The following DENND1A variants were observed in gnomAD, a reference collection of about 807,000 sequenced individuals.
DENND1A encodes DENN domain-containing protein 1A.
In DENND1A, 51 loss-of-function variants were observed where a neutral mutation model predicts 113.7. The ratio of observed to expected loss-of-function variants is 0.45; its 90% CI spans 0.36 to 0.57. DENND1A has a LOEUF of 0.57. DENND1A is among the 20% of genes least tolerant of loss of function. The pLI, the probability that DENND1A is intolerant of heterozygous loss-of-function variation, is 0.00. For missense variants in DENND1A, 1,258 were observed against 1,395.9 expected, an observed-to-expected ratio of 0.90 and a Z score of 1.57; for synonymous variants, 565 against 570.8, an observed-to-expected ratio of 0.99 and a Z score of 0.14.
chr9:123,765,892 G>A (rs558732686), intron 4 of DENND1A, among the ~76,000 whole-genome samples: 12 of 152,204 alleles, frequency 7.9e-5, no homozygotes, highest in Non-Finnish European at 1.3e-4. Flanking sequence ...TAGAGTACCA[G>A]TGCCTTTCCT....
At chr9:123,445,582 CAG>C (rs2047243939) in intron 18 of DENND1A, among the ~76,000 whole-genome samples, 2 of 152,174 alleles carry the variant, frequency 1.3e-5, no homozygotes, top group Non-Finnish European at 2.9e-5. Flanking sequence ...CATAAGAAGA[CAG>C]AGAGGGCCAC....
chr9:123,750,548 G>A (rs1049833825), intron 5 of DENND1A, among the ~76,000 whole-genome samples: 3 of 152,130 alleles, frequency 2.0e-5, no homozygotes, highest in Non-Finnish European at 2.9e-5. Context: ...ACCCACAGTC[G>A]GTGAAATTAT....
chr9:123,912,975 G>A (rs1212603860), intron 1 of DENND1A, among the ~76,000 whole-genome samples: 1 of 152,096 alleles, frequency 6.6e-6, no homozygotes, highest in Non-Finnish European at 1.5e-5. Flanking sequence ...CTACAGTGTA[G>A]TAACGGAATC....
chr9:123,575,791 A>C (rs1321676253), intron 12 of DENND1A, among the ~76,000 whole-genome samples: 1 of 151,588 alleles, frequency 6.6e-6, no homozygotes, highest in Non-Finnish European at 1.5e-5. Context: ...CTGCCCCCCA[A>C]CTCTCTTTTG....
chr9:123,857,048 C>T (rs1468745312), intron 2 of DENND1A, among the ~76,000 whole-genome samples: 1 of 150,930 alleles, frequency 6.6e-6, no homozygotes, highest in Non-Finnish European at 1.5e-5. Flanking sequence ...ACTCTCTGAC[C>T]CTGACCACCA....
chr9:123,641,770 C>T (rs932024479), intron 9 of DENND1A, among the ~76,000 whole-genome samples: 6 of 152,230 alleles, frequency 3.9e-5, no homozygotes, highest in Admixed American at 1.3e-4. Context: ...AGAGAACTGT[C>T]TATTCACTGG....
chr9:123,539,110 T>G (rs2056081359), intron 13 of DENND1A, among the ~76,000 whole-genome samples: 1 of 151,994 alleles, frequency 6.6e-6, no homozygotes, highest in Non-Finnish European at 1.5e-5. Flanking sequence ...TCCCAGTGAA[T>G]AAACAGATAT....
At chr9:123,737,156 G>A (rs80139847) in intron 5 of DENND1A, among the ~76,000 whole-genome samples, 12,150 of 152,162 alleles carry the variant, frequency 0.08, 512 homozygotes, top group Admixed American at 0.11. Flanking sequence ...TATTTAAAAT[G>A]TTTAATTTAA....
chr9:123,672,465 G>A (rs1013576606), intron 6 of DENND1A, among the ~76,000 whole-genome samples: 5 of 152,020 alleles, frequency 3.3e-5, no homozygotes, highest in Admixed American at 6.5e-5. Context: ...CCAAGATTAC[G>A]CCCCATCATC....
Position 123,728,479 on chromosome 9 carries a change from C to CAAAAAAAAAAAAAAAAAAAAA in DENND1A, c.302+29203_302+29223dup, listed in dbSNP as rs60761810. 1.6e-3 allele frequency among the ~76,000 whole-genome samples: 40 copies of CAAAAAAAAAAAAAAAAAAAAA among 25,194 alleles called. 9 individuals are homozygous for CAAAAAAAAAAAAAAAAAAAAA. Among genetic ancestry groups the CAAAAAAAAAAAAAAAAAAAAA allele is most frequent in the Non-Finnish European group, 2.2e-3 (31 of 14,184 alleles). 16.5% of individuals were successfully genotyped at this position (25,194 alleles called of 152,430 possible). A position where few individuals can be genotyped will look rare whatever the true frequency, so the allele number is the denominator to read the frequency against. The stretch of plus-strand genomic sequence containing the variant: ...GCAACAATTGCAAAACTCTGTCTCC[C>CAAAAAAAAAAAAAAAAAAAAA]AAAAAAAAAAAAAAAAAAAAAAAAA... On this transcript the variant is annotated intron_variant, in intron 5 of 23. Coordinates refer to ENST00000394215, the MANE Select transcript of DENND1A (RefSeq NM_001352964.2).
intron 19 of DENND1A, chr9:123,414,374 A>C: frequency 7.0e-7 from 1 of 1,426,752 alleles, no homozygotes; most frequent in Non-Finnish European, 9.1e-7. Context: ...CATCGCCTAC[A>C]TTTGTTTCCA....
chr9:123,873,880 C>T (rs1847035633), intron 2 of DENND1A, among the ~76,000 whole-genome samples: 1 of 152,022 alleles, frequency 6.6e-6, no homozygotes. Context: ...GCAGCTGGGA[C>T]TACAGGCATG....
chr9:123,448,204 T>C (rs2047447970), intron 18 of DENND1A, among the ~76,000 whole-genome samples: 1 of 152,206 alleles, frequency 6.6e-6, no homozygotes, highest in Non-Finnish European at 1.5e-5. Context: ...CTTTAGATAC[T>C]ATCAAGGAAC....
chr9:123,695,083 T>C (rs2140473553), intron 5 of DENND1A, among the ~76,000 whole-genome samples: 1 of 152,288 alleles, frequency 6.6e-6, no homozygotes, highest in Non-Finnish European at 1.5e-5. Context: ...GATTGTTTCC[T>C]GGCCTCAAAC....
At chr9:123,651,471 A>C (rs1205190795) in intron 9 of DENND1A, among the ~76,000 whole-genome samples, 1 of 152,246 alleles carries the variant, frequency 6.6e-6, no homozygotes, top group African/African-American at 2.4e-5. Context: ...GCACTCATCT[A>C]CAGCTGGCAG....
At chr9:123,667,596 G>A (rs966006890) in intron 7 of DENND1A, among the ~76,000 whole-genome samples, 4 of 152,124 alleles carry the variant, frequency 2.6e-5, no homozygotes, top group Admixed American at 6.5e-5. Context: ...CAGCCTGGGC[G>A]ACAAGAATGA....
intron 18 of DENND1A, among the ~76,000 whole-genome samples, chr9:123,443,943 T>G (rs1588557601): frequency 6.6e-6 from 1 of 151,476 alleles, no homozygotes; most frequent in Non-Finnish European, 1.5e-5. Context: ...GGCAACAGAG[T>G]GAGACCCTGT....
intron 1 of DENND1A, among the ~76,000 whole-genome samples, chr9:123,920,862 C>T (rs781170870): frequency 6.6e-6 from 1 of 151,988 alleles, no homozygotes; most frequent in African/African-American, 2.4e-5. Flanking sequence ...TGTGAGCTAC[C>T]GGGCCTGGCT....
chr9:123,621,649 C>A (rs2060970234), intron 10 of DENND1A, among the ~76,000 whole-genome samples: 1 of 152,208 alleles, frequency 6.6e-6, no homozygotes. Flanking sequence ...GGCTCAGTGA[C>A]CTCCAATCTA....
Sources: allele counts gnomAD v4.1 joint callset (sites outside exome capture counted in the v4.1 genomes callset), GRCh38; gene constraint gnomAD v4.1.1; transcripts MANE v1.5; gene names NCBI Gene and HGNC (gene_info 2026-07-23, HGNC 2026-07-21).